NELL2: variants seen among roughly 807,000 people sequenced by gnomAD.
NELL2 encodes the protein protein kinase C-binding protein NELL2.
NELL2 carries 41 observed loss-of-function variants against 109.6 expected under a neutral mutation model. The ratio of observed to expected loss-of-function variants is 0.37; its 90% CI spans 0.29 to 0.49. The LOEUF (loss-of-function observed/expected upper bound fraction) is 0.49, where lower values mean the gene tolerates loss of function less well. NELL2 is among the 20% of genes least tolerant of loss of function. The pLI is 0.98. For missense variants in NELL2, 900 were observed against 1,008.3 expected, an observed-to-expected ratio of 0.89 and a Z score of 1.45; for synonymous variants, 355 against 344.7, an observed-to-expected ratio of 1.03 and a Z score of -0.33.
At chr12:44,611,942 T>G (rs1945638387) in intron 13 of NELL2, among the ~76,000 whole-genome samples, 1 of 152,072 alleles carries the variant, frequency 6.6e-6, no homozygotes, top group African/African-American at 2.4e-5. Context: ...ATCCCTACAG[T>G]GGCACTACTT....
intron 3 of NELL2, among the ~76,000 whole-genome samples, chr12:44,809,650 C>T (rs1943110976): frequency 1.3e-5 from 2 of 152,058 alleles, no homozygotes; most frequent in South Asian, 4.1e-4. Context: ...CCAAATGAAG[C>T]TTTGTTCATG....
At chr12:44,632,100 A>G (rs187310016) in intron 13 of NELL2, among the ~76,000 whole-genome samples, 51 of 152,248 alleles carry the variant, frequency 3.3e-4, no homozygotes, top group Non-Finnish European at 6.0e-4. Context: ...AGACTCAGAA[A>G]AAGTCTACAC....
At chr12:44,784,560 T>G (rs1566387541) in intron 3 of NELL2, among the ~76,000 whole-genome samples, 1 of 152,084 alleles carries the variant, frequency 6.6e-6, no homozygotes, top group Admixed American at 6.6e-5. Context: ...TGCCAAAACC[T>G]GGCAGAGACA....
intron 16 of NELL2, among the ~76,000 whole-genome samples, chr12:44,529,571 G>A (rs1941951225): frequency 6.6e-6 from 1 of 152,246 alleles, no homozygotes; most frequent in South Asian, 2.1e-4. Context: ...TGAGTCCTGG[G>A]GCATTTGCGA....
intron 15 of NELL2, among the ~76,000 whole-genome samples, chr12:44,551,381 A>G (rs748450549): frequency 3.3e-5 from 5 of 152,168 alleles, no homozygotes; most frequent in Admixed American, 6.6e-5. Flanking sequence ...TGTCATGTGC[A>G]TTCACATTTA....
chr12:44,615,386 T>C (rs1950128638), intron 13 of NELL2, among the ~76,000 whole-genome samples: 2 of 152,150 alleles, frequency 1.3e-5, no homozygotes, highest in South Asian at 4.1e-4. Flanking sequence ...CAGTGCTTAC[T>C]ACATATCACA....
At chr12:44,881,257 C>A (rs754737400), upstream of NELL2, among the ~76,000 whole-genome samples, 1 of 151,860 alleles carries the variant, frequency 6.6e-6, no homozygotes, top group Non-Finnish European at 1.5e-5. Context: ...AGAAAAACTT[C>A]AACTTAAATA....
chr12:44,584,253 C>CT (rs1367655869), intron 15 of NELL2, among the ~76,000 whole-genome samples: 1 of 152,166 alleles, frequency 6.6e-6, no homozygotes, highest in African/African-American at 2.4e-5. Context: ...AAGTATCTAC[C>CT]TTTTTTAACA....
At chr12:44,517,886 G>A (rs1228857401) in intron 19 of NELL2, among the ~76,000 whole-genome samples, 1 of 152,056 alleles carries the variant, frequency 6.6e-6, no homozygotes, top group African/African-American at 2.4e-5. Context: ...GAGTAGAATG[G>A]AGACATAATA....
chr12:44,828,915 C>A (rs1943800412), intron 2 of NELL2, among the ~76,000 whole-genome samples: 1 of 152,066 alleles, frequency 6.6e-6, no homozygotes, highest in African/African-American at 2.4e-5. Context: ...TAATGATCAA[C>A]CACAATAAGT....
chr12:44,665,511 T>A lies in NELL2; in HGVS notation c.1417A>T (p.Ile473Phe), dbSNP rs1049713067. 1.9e-6 allele frequency: 3 copies of A among 1,613,412 alleles called. No homozygotes were observed. The highest frequency in any genetic ancestry group is 8.5e-7 in the Non-Finnish European group (1 of 1,179,406). The change falls in exon 13 of 20, where the codon ATC becomes TTC. Residue 473 changes from isoleucine (I) to phenylalanine (F), a missense_variant. Ile to Phe is a conservative substitution (Grantham distance 21). Transcript: ENST00000429094. Reference sequence around the variant, plus strand: ...GTACATGAATAATCATCAATTCTGATGTATCCAGTTTTGCAGATGCACATA... The same window carrying A: ...GTACATGAATAATCATCAATTCTGAAGTATCCAGTTTTGCAGATGCACATA... ...SFMCICKTGYIRIDDYSCTEH... is the reference protein window; with the variant it reads ...SFMCICKTGYFRIDDYSCTEH...
At chr12:44,648,864 T>A (rs1046798478) in intron 13 of NELL2, among the ~76,000 whole-genome samples, 1 of 148,666 alleles carries the variant, frequency 6.7e-6, no homozygotes, top group Non-Finnish European at 1.5e-5. Flanking sequence ...GCTTCCCAAG[T>A]AGCTGGGATT....
At chr12:44,588,471 AG>A (rs34009557) in intron 15 of NELL2, among the ~76,000 whole-genome samples, 3,732 of 152,246 alleles carry the variant, frequency 0.025, 64 homozygotes, top group East Asian at 0.085. Context: ...CCACTGGCTT[AG>A]GGGACATTGT....
Position 44,777,226 on chromosome 12 carries a change from G to GA in NELL2, c.679+15dup. ...AATATATGGGGACTCCACAGTGCAA[G>GA]AACTAATAGACTTACTGCGATTAAG... On this transcript the variant is annotated intron_variant, in intron 6 of 19. Coordinates refer to ENST00000429094, the MANE Select transcript of NELL2 (RefSeq NM_001145108.2). 1 of 1,612,180 alleles carries GA rather than the reference G, an allele frequency of 6.2e-7. No individual in the cohort carries two copies. Among genetic ancestry groups the GA allele is most frequent in the Non-Finnish European group, 8.5e-7 (1 of 1,178,294 alleles).
At chr12:44,709,328 T>C (rs1938063242) in intron 11 of NELL2, among the ~76,000 whole-genome samples, 1 of 152,124 alleles carries the variant, frequency 6.6e-6, no homozygotes, top group African/African-American at 2.4e-5. Context: ...GTCTGATGAT[T>C]ACCCTGCTGG....
chr12:44,854,296 T>A (rs1944612889), intron 2 of NELL2, among the ~76,000 whole-genome samples: 1 of 152,106 alleles, frequency 6.6e-6, no homozygotes, highest in Non-Finnish European at 1.5e-5. Flanking sequence ...ATCACTACTA[T>A]TAAGAATACA....
At chr12:44,521,358 G>A (rs1448881917) in intron 18 of NELL2, among the ~76,000 whole-genome samples, 2 of 151,740 alleles carry the variant, frequency 1.3e-5, no homozygotes, top group African/African-American at 4.8e-5. Context: ...GTGAAACCCC[G>A]TCTCTACTAA....
chr12:44,699,064 C>T (rs963107732), intron 12 of NELL2, among the ~76,000 whole-genome samples: 1 of 152,056 alleles, frequency 6.6e-6, no homozygotes, highest in African/African-American at 2.4e-5. Context: ...ATCAAAAGAT[C>T]CCATAATTTT....
chr12:44,630,649 C>T (rs1946420017), intron 13 of NELL2, among the ~76,000 whole-genome samples: 1 of 152,104 alleles, frequency 6.6e-6, no homozygotes, highest in South Asian at 2.1e-4. Flanking sequence ...AGTCCAGGGT[C>T]ATGTCCCATC....
Sources: gnomAD v4.1 joint callset for allele counts (sites outside exome capture counted in the v4.1 genomes callset) on GRCh38, gnomAD v4.1.1 for gene constraint, MANE v1.5 for transcripts, NCBI Gene and HGNC (gene_info 2026-07-23, HGNC 2026-07-21) for gene names.